The following MRPS5 variants were observed in gnomAD, a reference collection of about 807,000 sequenced individuals.
MRPS5 encodes mitochondrial ribosomal protein S5.
A neutral mutation model predicts 51.9 loss-of-function variants in MRPS5; 27 were observed. That is an observed-to-expected ratio of 0.52 (90% CI 0.38 to 0.72). The LOEUF (loss-of-function observed/expected upper bound fraction) is 0.72, where lower values mean the gene tolerates loss of function less well. MRPS5 is among the 30% of genes least tolerant of loss of function. MRPS5 has a pLI of 0.00. For missense variants in MRPS5, 570 were observed against 545.7 expected, an observed-to-expected ratio of 1.04 and a Z score of -0.44; for synonymous variants, 196 against 193.2, an observed-to-expected ratio of 1.01 and a Z score of -0.12.
At chr2:95,091,586 C>G (rs1675469222) in intron 10 of MRPS5, 1 of 152,254 alleles carries the variant, frequency 6.6e-6, no homozygotes, top group Admixed American at 6.5e-5. Context: ...CTGCAGGGCC[C>G]AAGTTTGGCC....
Position 95,113,841 on chromosome 2 carries a change from G to C in MRPS5, c.277+1225C>G, listed in dbSNP as rs181969622. Among the ~76,000 whole-genome samples the C allele has an allele frequency of 1.8e-4, 27 of 152,046 alleles. No homozygotes were observed. In the East Asian group the frequency reaches 4.1e-3, roughly 23 times the overall value. ...TATATTACATTAAAAAAAGCAGAAG[G>C]CCAGGCACGGTGGCTCACGCCTGTA... On this transcript the variant is annotated intron_variant, in intron 3 of 11. Transcript: ENST00000272418.
At chr2:95,121,657 C>G in intron 1 of MRPS5, 77 bp downstream of exon 1, 1 of 1,461,600 alleles carries the variant, frequency 6.8e-7, no homozygotes, top group South Asian at 1.2e-5. Context: ...CCCTCCGCCC[C>G]GACTTCTGCA....
At chr2:95,103,574 A>G (rs1675863454) in intron 7 of MRPS5, among the ~76,000 whole-genome samples, 1 of 152,236 alleles carries the variant, frequency 6.6e-6, no homozygotes, top group Non-Finnish European at 1.5e-5. Context: ...ATTTTACTGC[A>G]AGAAGTTTCC....
Position 95,108,253 on chromosome 2 carries a change from C to T in MRPS5, c.559G>A (p.Val187Ile), listed in dbSNP as rs1676008459. The T allele has an allele frequency of 6.2e-7, 1 of 1,613,126 alleles. No individual in the cohort carries two copies. The highest frequency in any genetic ancestry group is 1.1e-5 in the South Asian group (1 of 91,056). The part of the protein sequence containing the change: ...EEWDRKKKMK[V>I]KRERGWSGNS... ...CCACTCCATCCTCGCTCCCGTTTAA[C>T]CTTCATCTTCTTCTTTCGGTCCCAC... Residue 187 changes from valine to isoleucine, a missense_variant, in exon 5 of 12, where the codon GTT becomes ATT. Val to Ile is a conservative substitution (Grantham distance 29, BLOSUM62 3). Coordinates refer to ENST00000272418, the MANE Select transcript of MRPS5 (RefSeq NM_031902.5).
chr2:95,113,548 C>A (rs999641983), intron 3 of MRPS5, among the ~76,000 whole-genome samples: 1 of 152,094 alleles, frequency 6.6e-6, no homozygotes, highest in African/African-American at 2.4e-5. Context: ...CACTAAAGTA[C>A]AAAGTCAACT....
intron 3 of MRPS5, among the ~76,000 whole-genome samples, chr2:95,112,538 T>C (rs2095479886): frequency 6.6e-6 from 1 of 152,220 alleles, no homozygotes; most frequent in Non-Finnish European, 1.5e-5. Context: ...TTTATAAGAT[T>C]CAATATTCAT....
intron 11 of MRPS5, 103 bp downstream of exon 11, chr2:95,090,283 C>T (rs1675423988): frequency 1.6e-6 from 2 of 1,233,136 alleles, no homozygotes; most frequent in African/African-American, 1.5e-5. Flanking sequence ...CCTCAGGTGG[C>T]CCCAGGAAAG....
chr2:95,109,117 G>A (rs1283255561), intron 4 of MRPS5, among the ~76,000 whole-genome samples: 1 of 151,664 alleles, frequency 6.6e-6, no homozygotes, highest in African/African-American at 2.4e-5. Flanking sequence ...AGCATCCAGG[G>A]GGACTTCAAG....
intron 1 of MRPS5, among the ~76,000 whole-genome samples, chr2:95,119,245 T>C (rs1300553832): frequency 6.6e-6 from 1 of 152,042 alleles, no homozygotes; most frequent in Non-Finnish European, 1.5e-5. Flanking sequence ...AAATGGCCAT[T>C]AGCACATGAT....
intron 7 of MRPS5, among the ~76,000 whole-genome samples, chr2:95,102,499 A>G (rs979356108): frequency 6.6e-6 from 1 of 151,956 alleles, no homozygotes; most frequent in Admixed American, 6.6e-5. Context: ...CCATCTCTAC[A>G]AAAAATATAA....
chr2:95,090,632 T>C (rs1675438116), intron 10 of MRPS5, 110 bp from the exon 11 acceptor site: 1 of 1,259,278 alleles, frequency 7.9e-7, no homozygotes, highest in Non-Finnish European at 1.1e-6. Context: ...AACTGGTTCA[T>C]ATTCTGGTAT....
intron 10 of MRPS5, among the ~76,000 whole-genome samples, chr2:95,094,479 A>T (rs1230605391): frequency 6.6e-6 from 1 of 152,256 alleles, no homozygotes; most frequent in East Asian, 1.9e-4. Flanking sequence ...AAGGGCAGCC[A>T]GAGAGAAAGG....
chr2:95,119,612 G>GA (rs764975441), intron 1 of MRPS5, among the ~76,000 whole-genome samples: 394 of 109,768 alleles, frequency 3.6e-3, no homozygotes, highest in Admixed American at 3.5e-3. Context: ...ACCCTGTCTC[G>GA]AAAAAAAAAA....
At chr2:95,109,819 T>C (rs1676064190) in intron 4 of MRPS5, 97 bp downstream of exon 4, 5 of 1,388,518 alleles carry the variant, frequency 3.6e-6, no homozygotes, top group South Asian at 2.8e-5. Flanking sequence ...GTGCCCTTCA[T>C]AAGAAATGTT....
chr2:95,108,837 G>A (rs1442274515), intron 4 of MRPS5, among the ~76,000 whole-genome samples: 1 of 151,990 alleles, frequency 6.6e-6, no homozygotes, highest in Non-Finnish European at 1.5e-5. Context: ...AAAGTAAACT[G>A]TAAGACAGCA....
chr2:95,087,184 G>A lies in MRPS5; in HGVS notation c.*173C>T. ...TGTATGTAAAGGTTCTATCACATTG[G>A]CATATAACATGTGCTCAACAAATGA... On this transcript the variant is annotated 3_prime_UTR_variant, in exon 12 of 12. Coordinates refer to ENST00000272418, the MANE Select transcript of MRPS5 (RefSeq NM_031902.5). 1.7e-6 allele frequency: 1 copy of A among 574,978 alleles called. No homozygotes were observed. Among genetic ancestry groups the A allele is most frequent in the Non-Finnish European group, 3.1e-6 (1 of 326,288 alleles). The allele number at this position is 574,978 out of a possible 1,614,324, so 35.6% of individuals were successfully genotyped here.
intron 10 of MRPS5, chr2:95,090,860 T>C (rs1449873900): frequency 8.3e-6 from 2 of 241,940 alleles, no homozygotes; most frequent in Non-Finnish European, 1.7e-5. Flanking sequence ...GACACGTCTC[T>C]TCTCACCCTC....
intron 5 of MRPS5, among the ~76,000 whole-genome samples, chr2:95,107,504 C>T (rs1440297163): frequency 1.3e-5 from 2 of 152,184 alleles, no homozygotes; most frequent in African/African-American, 2.4e-5. Context: ...CCCTTCCATA[C>T]CTTCATCCTC....
intron 10 of MRPS5, among the ~76,000 whole-genome samples, chr2:95,099,968 A>T (rs765494874): frequency 9.8e-5 from 15 of 152,318 alleles, no homozygotes; most frequent in South Asian, 8.3e-4. Flanking sequence ...AGAGACCACT[A>T]GGCATGACTG....
Sources: allele counts gnomAD v4.1 joint callset (sites outside exome capture counted in the v4.1 genomes callset), GRCh38; gene constraint gnomAD v4.1.1; transcripts MANE v1.5; gene names NCBI Gene and HGNC (gene_info 2026-07-23, HGNC 2026-07-21).